CRPPA: variants seen among roughly 807,000 people sequenced by gnomAD.
CRPPA encodes the protein D-ribitol-5-phosphate cytidylyltransferase.
In CRPPA, 43 loss-of-function variants were observed where a neutral mutation model predicts 52.0. The observed-to-expected ratio is 0.83, with a 90% CI of 0.65 to 1.07. The LOEUF is 1.07. Among genes scored for constraint, CRPPA ranks in the 50% least tolerant of loss-of-function variants. The pLI, the probability that CRPPA is intolerant of heterozygous loss-of-function variation, is 0.00. For missense variants in CRPPA, 629 were observed against 551.7 expected, an observed-to-expected ratio of 1.14 and a Z score of -1.40; for synonymous variants, 250 against 203.5, an observed-to-expected ratio of 1.23 and a Z score of -1.94.
At chr7:16,182,326 G>A (rs1781428359) in intron 9 of CRPPA, among the ~76,000 whole-genome samples, 1 of 151,886 alleles carries the variant, frequency 6.6e-6, no homozygotes, top group African/African-American at 2.4e-5. Flanking sequence ...TTAGGAATTT[G>A]GGGAGGGCTG....
chr7:16,098,022 A>G (rs1389736594), intron 9 of CRPPA, among the ~76,000 whole-genome samples: 1 of 152,208 alleles, frequency 6.6e-6, no homozygotes, highest in Admixed American at 6.6e-5. Flanking sequence ...TAATATTGAC[A>G]AGCTTTTTTA....
At chr7:16,283,361 T>C (rs1784357751) in intron 5 of CRPPA, among the ~76,000 whole-genome samples, 2 of 150,526 alleles carry the variant, frequency 1.3e-5, no homozygotes, top group South Asian at 4.2e-4. Flanking sequence ...ACTTCCCAAC[T>C]TAAAAGATAC....
At chr7:16,381,932 T>A (rs1787102292) in intron 2 of CRPPA, among the ~76,000 whole-genome samples, 1 of 152,156 alleles carries the variant, frequency 6.6e-6, no homozygotes, top group African/African-American at 2.4e-5. Flanking sequence ...TGATGGGTCT[T>A]CACTCTTTAT....
At chr7:16,397,251 T>C (rs1358729949) in intron 2 of CRPPA, among the ~76,000 whole-genome samples, 3 of 152,116 alleles carry the variant, frequency 2.0e-5, no homozygotes, top group African/African-American at 4.8e-5. Context: ...AACTGACATG[T>C]ACACATGACC....
chr7:16,203,277 C>A (rs1365859718), intron 9 of CRPPA, among the ~76,000 whole-genome samples: 1 of 152,024 alleles, frequency 6.6e-6, no homozygotes. Context: ...TGTTCCCCAT[C>A]CTGTGGGGAA....
intron 3 of CRPPA, among the ~76,000 whole-genome samples, chr7:16,373,930 A>C (rs115817244): frequency 5.8e-4 from 88 of 152,314 alleles, no homozygotes; most frequent in African/African-American, 1.9e-3. Context: ...ATTTTGCCAC[A>C]TTCAACAGTG....
intron 6 of CRPPA, among the ~76,000 whole-genome samples, chr7:16,273,499 C>T (rs1351830228): frequency 1.3e-5 from 2 of 151,974 alleles, no homozygotes; most frequent in Non-Finnish European, 2.9e-5. Context: ...GAGAAGAGGT[C>T]AGCAGGGGAT....
intron 3 of CRPPA, among the ~76,000 whole-genome samples, chr7:16,354,177 G>A (rs1786236741): frequency 6.6e-6 from 1 of 151,874 alleles, no homozygotes; most frequent in Non-Finnish European, 1.5e-5. Context: ...ATATTCTCTT[G>A]GAAACAAATG....
intron 3 of CRPPA, among the ~76,000 whole-genome samples, chr7:16,317,444 G>A (rs1583514460): frequency 6.6e-6 from 1 of 152,170 alleles, no homozygotes; most frequent in African/African-American, 2.4e-5. Flanking sequence ...TCTGATGGTT[G>A]TGTAGAGGCA....
chr7:16,340,004 C>A (rs1785781802), intron 3 of CRPPA, among the ~76,000 whole-genome samples: 1 of 151,968 alleles, frequency 6.6e-6, no homozygotes. Context: ...TATAATAAAG[C>A]AAAGAAAATC....
At chr7:16,230,228 C>A (rs1008232673) in intron 8 of CRPPA, among the ~76,000 whole-genome samples, 2 of 152,090 alleles carry the variant, frequency 1.3e-5, no homozygotes, top group African/African-American at 2.4e-5. Flanking sequence ...AGCTTTCTGT[C>A]TTTTTCTCCT....
rs188729845 is a variant in CRPPA at position 16,358,502 on chromosome 7, A to G, written c.684+17590T>C. ...GCCTTTATACAAATAGGTCAAATCT[A>G]TCCTGCCACCCCCATTCACCCCATC... is the stretch of plus-strand genomic sequence containing the variant. On this transcript the variant is annotated intron_variant, in intron 3 of 9. Transcript: ENST00000407010. Among the ~76,000 whole-genome samples the G allele has an allele frequency of 1.7e-3, 254 of 152,280 alleles. 1 individual carries two copies. The highest frequency in any genetic ancestry group is 5.8e-3 in the African/African-American group (241 of 41,582).
chr7:16,386,645 G>A (rs1358120800), intron 2 of CRPPA, among the ~76,000 whole-genome samples: 1 of 152,158 alleles, frequency 6.6e-6, no homozygotes, highest in Non-Finnish European at 1.5e-5. Context: ...TTAAGGAAAT[G>A]ACACCAGATG....
At chr7:16,398,333 C>T (rs574845439) in intron 2 of CRPPA, among the ~76,000 whole-genome samples, 15 of 150,756 alleles carry the variant, frequency 9.9e-5, no homozygotes, top group Middle Eastern at 3.4e-3. Flanking sequence ...ATGATCAATA[C>T]GTTATCAACA....
intron 9 of CRPPA, among the ~76,000 whole-genome samples, chr7:16,094,042 G>C (rs1374771279): frequency 2.0e-5 from 3 of 152,048 alleles, no homozygotes; most frequent in Admixed American, 1.3e-4. Context: ...TAGGATCCCA[G>C]GGCTAGAAAA....
intron 5 of CRPPA, among the ~76,000 whole-genome samples, chr7:16,283,161 T>C (rs1583490548): frequency 6.6e-6 from 1 of 151,790 alleles, no homozygotes; most frequent in Non-Finnish European, 1.5e-5. Flanking sequence ...GGGTCTATCA[T>C]ATATAGAACC....
rs991316967 is a variant in CRPPA at position 16,258,868 on chromosome 7, T to C, written c.1026+52A>G. ...ATATTTAAGAATCAAATTAGTTCTC[T>C]TCCACATTTGTTCATATCCTTAAGT... is the stretch of plus-strand genomic sequence containing the variant. On this transcript the variant is annotated intron_variant, in intron 7 of 9. Transcript: ENST00000407010. 5.4e-6 allele frequency: 6 copies of C among 1,117,496 alleles called. No homozygotes were observed. The African/African-American group carries it at 7.8e-5, about 15-fold the overall frequency. 69.2% of individuals were successfully genotyped at this position (1,117,496 alleles called of 1,614,324 possible). A position where few individuals can be genotyped will look rare whatever the true frequency, so the allele number is the denominator to read the frequency against.
At chr7:16,162,209 G>C (rs1780914327) in intron 9 of CRPPA, among the ~76,000 whole-genome samples, 1 of 151,742 alleles carries the variant, frequency 6.6e-6, no homozygotes, top group Non-Finnish European at 1.5e-5. Context: ...CATTTCTTTT[G>C]TTCTGCTAGC....
intron 8 of CRPPA, among the ~76,000 whole-genome samples, chr7:16,238,570 A>G (rs962091608): frequency 6.6e-6 from 1 of 152,140 alleles, no homozygotes; most frequent in African/African-American, 2.4e-5. Context: ...TTTAGACTTA[A>G]TCTGTAAAAA....
Sources: allele counts gnomAD v4.1 joint callset (sites outside exome capture counted in the v4.1 genomes callset), GRCh38; gene constraint gnomAD v4.1.1; transcripts MANE v1.5; gene names NCBI Gene and HGNC (gene_info 2026-07-23, HGNC 2026-07-21).